Variants in MLXIP observed in about 807,000 individuals in gnomAD.
MLXIP encodes MLX-interacting protein.
A neutral mutation model predicts 87.2 loss-of-function variants in MLXIP; 30 were observed. The observed-to-expected ratio is 0.34, with a 90% confidence interval of 0.26 to 0.47. The LOEUF is 0.47. Ranked by LOEUF, MLXIP falls within the 20% of genes least tolerant of loss-of-function variation. MLXIP has a pLI of 1.00. For missense variants in MLXIP, 1,002 were observed against 1,240.1 expected (o/e 0.81, Z 2.88); for synonymous variants, 530 against 514.0 (o/e 1.03, Z -0.42).
At chr12:122,116,818 C>T (rs1952699190) in intron 1 of MLXIP, among the ~76,000 whole-genome samples, 1 of 152,184 alleles carries the variant, frequency 6.6e-6, no homozygotes, top group Non-Finnish European at 1.5e-5. Context: ...CACTGTTTTG[C>T]AGAAGGTGGG....
chr12:122,135,384 A>C lies in MLXIP; in HGVS notation c.1854+39A>C. 1 of 1,599,914 alleles carries C rather than the reference A, an allele frequency of 6.3e-7. No homozygotes were observed. Among genetic ancestry groups the C allele is most frequent in the Non-Finnish European group, 8.5e-7 (1 of 1,172,140 alleles). ...TAGGCAGACCTGCAGTGTCCTTCTCACCCCGGAGCACTCTGATCTTGGGCG... is the reference window on the plus strand; with the variant it reads ...TAGGCAGACCTGCAGTGTCCTTCTCCCCCCGGAGCACTCTGATCTTGGGCG... On this transcript the variant is annotated intron_variant, in intron 10 of 16. Coordinates refer to ENST00000319080, the MANE Select transcript of MLXIP (RefSeq NM_014938.6). The surrounding 1 kb of genome is among the most constrained non-coding windows in gnomAD (Gnocchi z 5.3).
chr12:122,111,555 C>T (rs1265838475), intron 1 of MLXIP, among the ~76,000 whole-genome samples: 1 of 152,194 alleles, frequency 6.6e-6, no homozygotes, highest in Admixed American at 6.5e-5. Context: ...GGAAACCTTT[C>T]CCTGCTGCCT....
chr12:122,091,578 C>G (rs1394674090), intron 1 of MLXIP, among the ~76,000 whole-genome samples: 1 of 152,162 alleles, frequency 6.6e-6, no homozygotes, highest in Non-Finnish European at 1.5e-5. Context: ...CTTCTTTTAT[C>G]TGGGTCAAGG....
At position 122,139,774 on chromosome 12, in the gene MLXIP, A is replaced by C. The variant is rs557250702; in HGVS notation, c.2508+836A>C. ...TGCAGCCTCCACCTTCCCAGACTCA[A>C]GTGTTCCTCCTGCCTCAGCCTCCTG... On this transcript the variant is annotated intron_variant, in intron 15 of 16. Transcript: ENST00000319080. Among the ~76,000 whole-genome samples the C allele has an allele frequency of 5.9e-5, 9 of 152,230 alleles. No homozygotes were observed. The East Asian group carries it at 1.7e-3, about 29-fold the overall frequency.
intron 1 of MLXIP, among the ~76,000 whole-genome samples, chr12:122,100,906 T>C (rs1952426222): frequency 6.6e-6 from 1 of 152,212 alleles, no homozygotes; most frequent in Admixed American, 6.5e-5. Flanking sequence ...TACAGAATAC[T>C]CCGAAGCCAT....
intron 1 of MLXIP, among the ~76,000 whole-genome samples, chr12:122,105,775 G>A (rs1162576415): frequency 8.1e-5 from 12 of 149,006 alleles, no homozygotes; most frequent in Non-Finnish European, 1.6e-4. Context: ...GCGGGACTCC[G>A]TCTCAAAAAA....
intron 1 of MLXIP, among the ~76,000 whole-genome samples, chr12:122,089,512 CAGAAA>C (rs1952215697): frequency 1.3e-5 from 2 of 152,302 alleles, no homozygotes; most frequent in African/African-American, 4.8e-5. Context: ...TGCCTTGAAG[CAGAAA>C]ACTCTTTCAT....
At chr12:122,108,201 G>A (rs571807686) in intron 1 of MLXIP, among the ~76,000 whole-genome samples, 8 of 151,920 alleles carry the variant, frequency 5.3e-5, no homozygotes, top group African/African-American at 1.7e-4. Context: ...AACCTCGTCT[G>A]TACTAAAAAT....
At chr12:122,113,893 G>A (rs1952644882) in intron 1 of MLXIP, among the ~76,000 whole-genome samples, 1 of 150,922 alleles carries the variant, frequency 6.6e-6, no homozygotes, top group Non-Finnish European at 1.5e-5. Flanking sequence ...CACTGTGTTA[G>A]CCAGGATGGT....
chr12:122,118,196 A>G (rs537998396), intron 1 of MLXIP, among the ~76,000 whole-genome samples: 2 of 152,346 alleles, frequency 1.3e-5, no homozygotes, highest in South Asian at 2.1e-4. Context: ...GTCATGTCCC[A>G]GGCGGGACAG....
chr12:122,141,824 G>T lies in MLXIP; in HGVS notation c.*12G>T, dbSNP rs1241101254. 2 of 1,612,520 alleles carry T rather than the reference G, an allele frequency of 1.2e-6. No individual in the cohort carries two copies. The highest frequency in any genetic ancestry group is 3.3e-5 in the Admixed American group (2 of 59,990). ...TGGGAGAGTCCTAGCTGCTTAGCTG[G>T]CATGTGGCCGCATGAGATGCCAGGA... is the stretch of plus-strand genomic sequence containing the variant. On this transcript the variant is annotated 3_prime_UTR_variant, in exon 17 of 17. Transcript: ENST00000319080.
intron 15 of MLXIP, among the ~76,000 whole-genome samples, chr12:122,140,001 T>G (rs774356652): frequency 7.2e-5 from 11 of 152,068 alleles, no homozygotes; most frequent in Non-Finnish European, 1.3e-4. Context: ...ATTGAAGAGA[T>G]GACAGGCACC....
At chr12:122,093,700 G>GT (rs1952289845) in intron 1 of MLXIP, among the ~76,000 whole-genome samples, 1 of 127,824 alleles carries the variant, frequency 7.8e-6, no homozygotes, top group Non-Finnish European at 1.6e-5. Context: ...TGGTGTGTGG[G>GT]GTGTGTTGGT....
Position 122,142,330 on chromosome 12 carries a change from G to A in MLXIP, c.*518G>A, listed in dbSNP as rs934708435. 4 of 629,100 alleles carry A rather than the reference G, an allele frequency of 6.4e-6. No homozygotes were observed. In the African/African-American group the frequency reaches 7.2e-5, roughly 11 times the overall value. 39.0% of individuals were successfully genotyped at this position (629,100 alleles called of 1,614,324 possible). ...CTCCCCTCAACTCTGACAGCACCCA[G>A]CCCTTGTGGATGGACTTGGGCTTCT... is the stretch of plus-strand genomic sequence containing the variant. On this transcript the variant is annotated 3_prime_UTR_variant, in exon 17 of 17. Coordinates refer to ENST00000319080, the MANE Select transcript of MLXIP (RefSeq NM_014938.6).
intron 1 of MLXIP, among the ~76,000 whole-genome samples, chr12:122,116,596 G>C (rs755889628): frequency 5.9e-5 from 9 of 152,316 alleles, no homozygotes; most frequent in South Asian, 2.1e-4. Context: ...TAGGACTCTG[G>C]CTTTAAATGG....
intron 3 of MLXIP, 72 bp from the exon 4 acceptor site, chr12:122,129,065 C>T: frequency 7.9e-7 from 1 of 1,272,258 alleles, no homozygotes; most frequent in South Asian, 1.3e-5. Context: ...GTGCCGGATA[C>T]TCAGTACACC....
At chr12:122,097,135 G>T (rs1183175771) in intron 1 of MLXIP, among the ~76,000 whole-genome samples, 3 of 152,180 alleles carry the variant, frequency 2.0e-5, no homozygotes, top group Non-Finnish European at 2.9e-5. Flanking sequence ...CGGCAGAGGA[G>T]CTTTTGGCCG....
Position 122,146,011 on chromosome 12 carries a change from G to T in MLXIP, c.*4199G>T, listed in dbSNP as rs1449086262. On this transcript the variant is annotated 3_prime_UTR_variant, in exon 17 of 17. Coordinates refer to ENST00000319080, the MANE Select transcript of MLXIP (RefSeq NM_014938.6). ...CTCTTTTCCCTCTGGTGGGAAAGTG[G>T]CCTTTCCCTCAACACCTGCTCCCCG... 7.9e-5 allele frequency: 12 copies of T among 152,260 alleles called. No homozygotes were observed. Among genetic ancestry groups the T allele is most frequent in the Admixed American group, 7.9e-4 (12 of 15,270 alleles). 9.4% of individuals were successfully genotyped at this position (152,260 alleles called of 1,614,324 possible).
At chr12:122,099,753 G>A (rs545548607) in intron 1 of MLXIP, among the ~76,000 whole-genome samples, 3 of 152,292 alleles carry the variant, frequency 2.0e-5, no homozygotes, top group Non-Finnish European at 2.9e-5. Flanking sequence ...TATTTGTGTG[G>A]CTATATGAGG....
Sources: gnomAD v4.1 joint callset for allele counts (sites outside exome capture counted in the v4.1 genomes callset) on GRCh38, gnomAD v4.1.1 for gene constraint, Gnocchi (gnomAD v3.1) non-coding constraint, MANE v1.5 for transcripts, NCBI Gene and HGNC (gene_info 2026-07-23, HGNC 2026-07-21) for gene names.